The following TAOK2 variants were observed in gnomAD, a reference collection of about 807,000 sequenced individuals.
The protein encoded by TAOK2 is serine/threonine-protein kinase TAO2.
In TAOK2, 42 loss-of-function variants were observed where a neutral mutation model predicts 122.5. The observed-to-expected ratio is 0.34, with a 90% CI of 0.27 to 0.44. The LOEUF (loss-of-function observed/expected upper bound fraction) is 0.44, where lower values mean the gene tolerates loss of function less well. TAOK2 is among the 20% of genes least tolerant of loss of function. The probability of loss-of-function intolerance (pLI) is 1.00; values close to 1 mark genes in which losing one functional copy is unlikely to be tolerated. For synonymous variants in TAOK2, 704 were observed against 677.6 expected, an observed-to-expected ratio of 1.04 and a Z score of -0.61; for missense variants, 1,264 against 1,644.9, an observed-to-expected ratio of 0.77 and a Z score of 4.01.
In TAOK2 at chr16:29,973,908, G is replaced by C. The variant is rs948973244; in HGVS notation, c.-776G>C. On this transcript the variant is annotated 5_prime_UTR_variant, in exon 1 of 16. Coordinates refer to ENST00000308893, the MANE Select transcript of TAOK2 (RefSeq NM_016151.4). ...GGGAGGAAGAGGGAGAGGGAGACCG[G>C]GACGAGACCGGGGCTGTGGTGCGGA... 2.0e-5 allele frequency: 3 copies of C among 152,268 alleles called. No homozygotes were observed. The highest frequency in any genetic ancestry group is 7.3e-5 in the African/African-American group (3 of 41,166). 9.4% of individuals were successfully genotyped at this position (152,268 alleles called of 1,614,324 possible).
Position 29,985,512 on chromosome 16 carries a change from G to A in TAOK2, c.1722G>A (p.Lys574=), listed in dbSNP as rs1311721853. The A allele has an allele frequency of 1.2e-6, 2 of 1,611,234 alleles. No homozygotes were observed. The highest frequency in any genetic ancestry group is 1.3e-5 in the African/African-American group (1 of 75,040). Residue 574 remains lysine (K), a synonymous_variant, in exon 14 of 16, where the codon AAG becomes AAA. Transcript: ENST00000308893. This position sits in a 1 kb window ranked among gnomAD's most constrained non-coding sequence, Gnocchi z 6.9. ...FQQHILGQQK[K]ELAALLEAQK... The stretch of plus-strand genomic sequence containing the variant: ...AGCACATCCTTGGGCAGCAGAAGAA[G>A]GAGCTGGCTGCCCTGCTGGAGGCAC...
intron 2 of TAOK2, 33 bp downstream of exon 2, chr16:29,977,937 T>A: frequency 6.2e-7 from 1 of 1,614,024 alleles, no homozygotes; most frequent in Non-Finnish European, 8.5e-7. Context: ...GTAATAGGGA[T>A]GGGGACTCTT....
At chr16:29,980,634 C>G (rs962064764) in intron 8 of TAOK2, 1 of 152,186 alleles carries the variant, frequency 6.6e-6, no homozygotes, top group African/African-American at 2.4e-5. Context: ...AGCCCTTCTC[C>G]TCCATCTTCA....
In TAOK2 at chr16:29,974,150, C is replaced by T. The variant is rs1408712802; in HGVS notation, c.-534C>T. On this transcript the variant is annotated 5_prime_UTR_variant, in exon 1 of 16. Coordinates refer to ENST00000308893, the MANE Select transcript of TAOK2 (RefSeq NM_016151.4). The stretch of plus-strand genomic sequence containing the variant: ...CCAGTCGGTGGCCGAAGACCTACAG[C>T]TCAGGCCCCTGGGTCCCAAATTTCC... 1.3e-5 allele frequency: 2 copies of T among 152,298 alleles called. No individual in the cohort carries two copies. The highest frequency in any genetic ancestry group is 2.9e-5 in the Non-Finnish European group (2 of 68,096). The allele number at this position is 152,298 out of a possible 1,614,324, so 9.4% of individuals were successfully genotyped here. A position where few individuals can be genotyped will look rare whatever the true frequency, so the allele number is the denominator to read the frequency against.
At position 29,986,121 on chromosome 16, in the gene TAOK2, C is replaced by A. The variant is rs947480528; in HGVS notation, c.1993-144C>A. On this transcript the variant is annotated intron_variant, in intron 15 of 15. Transcript: ENST00000308893. The surrounding 1 kb of genome is among the most constrained non-coding windows in gnomAD (Gnocchi z 4.2). ...TCCCCAGCTCCCTCTGCCAAGGAGC[C>A]CTGGCCCCTCACTTCCTTGATACTG... 5 of 1,296,300 alleles carry A rather than the reference C, an allele frequency of 3.9e-6. No individual in the cohort carries two copies. Among genetic ancestry groups the A allele is most frequent in the Admixed American group, 4.6e-5 (2 of 43,050 alleles). The allele number at this position is 1,296,300 out of a possible 1,614,324, so 80.3% of individuals were successfully genotyped here. A position where few individuals can be genotyped will look rare whatever the true frequency, so the allele number is the denominator to read the frequency against.
intron 13 of TAOK2, 71 bp downstream of exon 13, chr16:29,983,735 T>C: frequency 6.5e-7 from 1 of 1,542,430 alleles, no homozygotes; most frequent in South Asian, 1.2e-5. Context: ...TAGAAATGAT[T>C]TCCTCCCTGT....
downstream of TAOK2, chr16:29,991,813 C>T (rs1165125218): frequency 9.4e-6 from 4 of 423,306 alleles, no homozygotes; most frequent in Admixed American, 8.5e-5. The surrounding 1 kb of genome is among the most constrained non-coding windows in gnomAD (Gnocchi z 5.6). Context: ...GGTCTCCCTC[C>T]GCCACCTAGG....
chr16:29,988,083 TCCTC>T lies in TAOK2; in HGVS notation c.*104_*107del. On this transcript the variant is annotated 3_prime_UTR_variant, in exon 16 of 16. Coordinates refer to ENST00000308893, the MANE Select transcript of TAOK2 (RefSeq NM_016151.4). ...CCTAGTCCTCTCTTTTCACCCACCT[TCCTC>T]AGTTTGCTCACTTACCCCAGGCCCA... 7.0e-7 allele frequency: 1 copy of T among 1,438,638 alleles called. No homozygotes were observed. The highest frequency in any genetic ancestry group is 9.1e-7 in the Non-Finnish European group (1 of 1,101,218). 89.1% of individuals were successfully genotyped at this position (1,438,638 alleles called of 1,614,324 possible).
rs749893368 is a variant in TAOK2, at chr16:29,974,336, C to T, written c.-348C>T. On this transcript the variant is annotated 5_prime_UTR_variant, in exon 1 of 16. Transcript: ENST00000308893. ...CGTGCACCAGTATCCGGGGTTCATTCCCCGGGCGTTCAAATATCGGATTCA... is the reference window on the plus strand; with the variant it reads ...CGTGCACCAGTATCCGGGGTTCATTTCCCGGGCGTTCAAATATCGGATTCA... 1 of 152,606 alleles carries T rather than the reference C, an allele frequency of 6.6e-6. No individual in the cohort carries two copies. Among genetic ancestry groups the T allele is most frequent in the Non-Finnish European group, 1.5e-5 (1 of 68,020 alleles). The allele number at this position is 152,606 out of a possible 1,614,324, so 9.5% of individuals were successfully genotyped here.
chr16:29,985,031 G>A lies in TAOK2; in HGVS notation c.1423-182G>A. 1.4e-6 allele frequency: 1 copy of A among 731,888 alleles called. No homozygotes were observed. Among genetic ancestry groups the A allele is most frequent in the Non-Finnish European group, 2.0e-6 (1 of 507,526 alleles). The allele number at this position is 731,888 out of a possible 1,614,324, so 45.3% of individuals were successfully genotyped here. A position where few individuals can be genotyped will look rare whatever the true frequency, so the allele number is the denominator to read the frequency against. On this transcript the variant is annotated intron_variant, in intron 13 of 15. Coordinates refer to ENST00000308893, the MANE Select transcript of TAOK2 (RefSeq NM_016151.4). The surrounding 1 kb of genome is among the most constrained non-coding windows in gnomAD (Gnocchi z 6.9). ...TCATTCGGCCACACCAACTTGTGAT[G>A]TAGATAATATCACCATTATCCAGTT...
chr16:29,979,900 G>A lies in TAOK2; in HGVS notation c.655+392G>A, dbSNP rs965055628. 2.6e-5 allele frequency among the ~76,000 whole-genome samples: 4 copies of A among 152,194 alleles called. No individual in the cohort carries two copies. The highest frequency in any genetic ancestry group is 7.2e-5 in the African/African-American group (3 of 41,456). On this transcript the variant is annotated intron_variant, in intron 8 of 15. Transcript: ENST00000308893. The surrounding 1 kb of genome is among the most constrained non-coding windows in gnomAD (Gnocchi z 4.1). Reference sequence around the variant, plus strand: ...CGCTGTGTGGAGAAGTTACAGGAGCGGTTCAAATGTAAAACAGGGGACTTG... The same window carrying A: ...CGCTGTGTGGAGAAGTTACAGGAGCAGTTCAAATGTAAAACAGGGGACTTG...
downstream of TAOK2, chr16:29,991,787 C>CTA (rs2069975088): frequency 2.1e-6 from 1 of 480,494 alleles, no homozygotes; most frequent in Non-Finnish European, 3.5e-6. This position sits in a 1 kb window ranked among gnomAD's most constrained non-coding sequence, Gnocchi z 5.6. Context: ...CCCCGCCTCC[C>CTA]TACCATGGTG....
intron 1 of TAOK2, among the ~76,000 whole-genome samples, chr16:29,977,206 T>C (rs982843034): frequency 6.6e-6 from 1 of 152,094 alleles, no homozygotes; most frequent in African/African-American, 2.4e-5. Context: ...CTTTGCGGGC[T>C]CCTCTGGGCC....
At chr16:29,988,395 T>G, downstream of TAOK2, 1 of 1,304,208 alleles carries the variant, frequency 7.7e-7, no homozygotes, top group South Asian at 1.2e-5. Flanking sequence ...TGAGCGGAAC[T>G]GTGCCTTTGG....
At chr16:29,991,441 G>T, downstream of TAOK2, 1 of 1,513,674 alleles carries the variant, frequency 6.6e-7, no homozygotes. This position sits in a 1 kb window ranked among gnomAD's most constrained non-coding sequence, Gnocchi z 5.6. Context: ...CCCCTGCGGC[G>T]GGCAGCCTCG....
chr16:29,987,647 C>T lies in TAOK2; in HGVS notation c.3375C>T (p.Ser1125=), dbSNP rs567347388. 1 of 1,613,458 alleles carries T rather than the reference C, an allele frequency of 6.2e-7. No homozygotes were observed. Among genetic ancestry groups the T allele is most frequent in the South Asian group, 1.1e-5 (1 of 91,050 alleles). ...AAACCAACAAGGATGGCTTCCGCAG[C>T]CGCCTGCCCGTCCCTGGGCCCCGGC... The part of the protein sequence containing the change: ...YPKTNKDGFR[S]RLPVPGPRRR... The change falls in exon 16 of 16, where the codon AGC becomes AGT. Residue 1125 remains serine (S), a synonymous_variant. Coordinates refer to ENST00000308893, the MANE Select transcript of TAOK2 (RefSeq NM_016151.4).
In TAOK2 at chr16:29,977,850, GCTCTT is replaced by G. The variant is rs1567238287; in HGVS notation, c.83_87del (p.Phe28Ter). On this transcript the variant is annotated frameshift_variant, in exon 2 of 16. Coordinates refer to ENST00000308893, the MANE Select transcript of TAOK2 (RefSeq NM_016151.4). LOFTEE classifies it high-confidence loss of function. ...TCTTCTTCAAGGATGACCCAGAAAA[GCTCTT>G]CTCTGACCTCCGGGAAATTGGCCAT... 1 of 1,614,204 alleles carries G rather than the reference GCTCTT, an allele frequency of 6.2e-7. No individual in the cohort carries two copies.
chr16:29,990,712 C>T, downstream of TAOK2: 4 of 1,472,206 alleles, frequency 2.7e-6, no homozygotes, highest in Non-Finnish European at 2.7e-6. Context: ...AGGGCCCAGG[C>T]CTACCTGGGG....
In TAOK2 at chr16:29,985,837, C is replaced by T. The variant is rs1158645819; in HGVS notation, c.1968C>T (p.Ser656=). Residue 656 remains serine (S), a synonymous_variant, in exon 15 of 16, where the codon AGC becomes AGT. Coordinates refer to ENST00000308893, the MANE Select transcript of TAOK2 (RefSeq NM_016151.4). The surrounding 1 kb of genome is among the most constrained non-coding windows in gnomAD (Gnocchi z 6.9). ...GCAAGATGTTGCTGGCTCGGCACAGCCTGGACCAGGACCTGCTGCGGGAGG... is the reference window on the plus strand; with the variant it reads ...GCAAGATGTTGCTGGCTCGGCACAGTCTGGACCAGGACCTGCTGCGGGAGG... ...YKRKMLLARH[S]LDQDLLREDL... 6.2e-7 allele frequency: 1 copy of T among 1,611,634 alleles called. No homozygotes were observed. The highest frequency in any genetic ancestry group is 1.1e-5 in the South Asian group (1 of 90,952).
Sources: allele counts gnomAD v4.1 joint callset (sites outside exome capture counted in the v4.1 genomes callset), GRCh38; gene constraint gnomAD v4.1.1; non-coding constraint Gnocchi (gnomAD v3.1); transcripts MANE v1.5; gene names NCBI Gene and HGNC (gene_info 2026-07-23, HGNC 2026-07-21).